Variants in ASCC3 observed in about 807,000 individuals in gnomAD.
The protein encoded by ASCC3 is activating signal cointegrator 1 complex subunit 3, also known as ASC-1 complex subunit P200.
ASCC3 carries 158 observed loss-of-function variants against 256.3 expected under a neutral mutation model. The observed-to-expected ratio is 0.62, with a 90% CI of 0.54 to 0.70. The LOEUF (loss-of-function observed/expected upper bound fraction) is 0.70. ASCC3 is among the 30% of genes least tolerant of loss of function. The pLI is 0.00. For missense variants in ASCC3, 2,259 were observed against 2,626.0 expected (o/e 0.86, Z 3.05); for synonymous variants, 948 against 883.4 (o/e 1.07, Z -1.30).
chr6:100,799,329 T>A, intron 7 of ASCC3, 102 bp downstream of exon 7: 2 of 1,281,724 alleles, frequency 1.6e-6, no homozygotes, highest in Non-Finnish European at 2.2e-6. Context: ...AAATTTAGCA[T>A]AGTCAACTAG....
chr6:100,644,057 C>A lies in ASCC3; in HGVS notation c.3706G>T (p.Glu1236Ter). 1.2e-6 allele frequency: 2 copies of A among 1,612,194 alleles called. No homozygotes were observed. The highest frequency in any genetic ancestry group is 1.7e-6 in the Non-Finnish European group (2 of 1,178,888). ...TGTTTTTTTAGAGCTAGAAAATACT[C>A]TGAATGATAAATATGATCATTTGTA... Reference protein sequence around the residue: ...DPTNDHIYHSEYFLALKKQVI... With the variant: ...DPTNDHIYHS The change falls in exon 23 of 42, where the codon GAG becomes TAG. Residue 1236 changes from glutamate to a stop codon, truncating the protein, a stop_gained. Coordinates refer to ENST00000369162, the MANE Select transcript of ASCC3 (RefSeq NM_006828.4). LOFTEE classifies it high-confidence loss of function.
intron 4 of ASCC3, among the ~76,000 whole-genome samples, chr6:100,846,417 C>T (rs1014737857): frequency 6.6e-6 from 1 of 152,128 alleles, no homozygotes; most frequent in Non-Finnish European, 1.5e-5. Context: ...TAAAACTATA[C>T]AGAACTACCA....
chr6:100,613,551 T>C (rs1015708196), intron 30 of ASCC3, among the ~76,000 whole-genome samples: 1 of 152,280 alleles, frequency 6.6e-6, no homozygotes, highest in Non-Finnish European at 1.5e-5. Flanking sequence ...CATTTATTGA[T>C]GGATACTTAG....
chr6:100,769,707 C>A (rs926155882), intron 8 of ASCC3, among the ~76,000 whole-genome samples: 4 of 151,444 alleles, frequency 2.6e-5, no homozygotes, highest in Non-Finnish European at 5.9e-5. Flanking sequence ...GCAGACTGAT[C>A]AGGAAAAATA....
chr6:100,834,362 C>A (rs922015854), intron 4 of ASCC3, among the ~76,000 whole-genome samples: 11 of 152,074 alleles, frequency 7.2e-5, no homozygotes, highest in Non-Finnish European at 1.3e-4. Flanking sequence ...AAAGAAGAAA[C>A]CCACTGTCAT....
chr6:100,717,962 C>A lies in ASCC3; in HGVS notation c.2079+113G>T, dbSNP rs542995406. On this transcript the variant is annotated intron_variant, in intron 12 of 41. Transcript: ENST00000369162. ...TTCAATGTTCTGCAAAAGGCCATTT[C>A]AGTGGACACCACAAAAGGCTGAAAT... The A allele has an allele frequency of 4.2e-6, 4 of 960,794 alleles. No homozygotes were observed. The South Asian group carries it at 6.0e-5, about 14-fold the overall frequency. 59.5% of individuals were successfully genotyped at this position (960,794 alleles called of 1,614,324 possible).
At chr6:100,745,505 A>G (rs200968897) in intron 10 of ASCC3, among the ~76,000 whole-genome samples, 1 of 640 alleles carries the variant, frequency 1.6e-3, no homozygotes, top group Non-Finnish European at 6.8e-3. Context: ...AAACCTAACC[A>G]AAAAAAAAAA....
Position 100,516,287 on chromosome 6 carries a change from G to A in ASCC3, c.5968C>T (p.Arg1990Trp), listed in dbSNP as rs981441145. The A allele has an allele frequency of 6.2e-6, 10 of 1,613,674 alleles. No individual in the cohort carries two copies. Among genetic ancestry groups the A allele is most frequent in the Non-Finnish European group, 5.9e-6 (7 of 1,179,712 alleles). ...TCAGGAAGGGACTCGATGGAGGTCC[G>A]ACCCCTAGCATGTGGGCCCTTCATA... ...PIMKGPHARG[R>W]TSIESLPELI... The change falls in exon 39 of 42, where the codon CGG becomes TGG. Residue 1990 changes from arginine (R) to tryptophan (W), a missense_variant. Physicochemically the swap from Arg to Trp is moderately radical, Grantham distance 101. Around this residue, in one of 2 missense-constraint regions of ASCC3, gnomAD observed 1,839 missense variants for 2,206.7 expected, o/e 0.83. Transcript: ENST00000369162.
chr6:100,659,213 C>G (rs239227), intron 16 of ASCC3, among the ~76,000 whole-genome samples: 85,075 of 151,030 alleles, frequency 0.56, 24,173 homozygotes, highest in East Asian at 0.72. Context: ...TGCAACTGTA[C>G]AGTCTTGCAA....
chr6:100,827,069 A>G (rs994085053), intron 4 of ASCC3, among the ~76,000 whole-genome samples: 1 of 152,210 alleles, frequency 6.6e-6, no homozygotes, highest in Non-Finnish European at 1.5e-5. Context: ...ATTAGTCTGG[A>G]TTCTACTGTA....
chr6:100,798,695 A>G lies in ASCC3; in HGVS notation c.1395+18T>C, dbSNP rs761369478. 7 of 1,611,472 alleles carry G rather than the reference A, an allele frequency of 4.3e-6. No individual in the cohort carries two copies. The Admixed American group carries it at 1.2e-4, about 27-fold the overall frequency. ...ACCAAGCCTCAAAACTATCAACTCT[A>G]TAAAAGGCTCATCTCACCTCATCTA... On this transcript the variant is annotated intron_variant, in intron 8 of 41. Coordinates refer to ENST00000369162, the MANE Select transcript of ASCC3 (RefSeq NM_006828.4).
intron 17 of ASCC3, among the ~76,000 whole-genome samples, chr6:100,653,986 C>T (rs1775800272): frequency 6.6e-6 from 1 of 151,814 alleles, no homozygotes; most frequent in Non-Finnish European, 1.5e-5. Flanking sequence ...ACCATTTGTT[C>T]TAACTTAGAT....
intron 36 of ASCC3, among the ~76,000 whole-genome samples, chr6:100,587,667 G>A (rs763391836): frequency 4.0e-4 from 61 of 152,104 alleles, no homozygotes; most frequent in Non-Finnish European, 5.9e-4. Flanking sequence ...TAAATATTCC[G>A]TTATACAGCT....
intron 7 of ASCC3, 113 bp from the exon 8 acceptor site, chr6:100,798,951 G>T: frequency 2.1e-6 from 2 of 968,538 alleles, no homozygotes; most frequent in African/African-American, 1.7e-5. Context: ...CAAAGCACTG[G>T]TAAATAAACT....
At chr6:100,838,545 T>A (rs956743435) in intron 4 of ASCC3, among the ~76,000 whole-genome samples, 6 of 152,106 alleles carry the variant, frequency 3.9e-5, no homozygotes, top group Admixed American at 1.3e-4. Flanking sequence ...AGATAAATTA[T>A]ATTTACAGAA....
intron 4 of ASCC3, among the ~76,000 whole-genome samples, chr6:100,833,530 G>C (rs1771723835): frequency 6.6e-6 from 1 of 152,096 alleles, no homozygotes; most frequent in Non-Finnish European, 1.5e-5. Flanking sequence ...CCTAATACAA[G>C]ATGTTAGGAG....
At chr6:100,829,387 G>A (rs1295750868) in intron 4 of ASCC3, among the ~76,000 whole-genome samples, 1 of 152,036 alleles carries the variant, frequency 6.6e-6, no homozygotes, top group East Asian at 1.9e-4. Flanking sequence ...TGGGAAGGCA[G>A]CTAAGACCTG....
intron 13 of ASCC3, among the ~76,000 whole-genome samples, chr6:100,704,279 C>T (rs765871886): frequency 1.3e-5 from 2 of 151,910 alleles, no homozygotes; most frequent in Non-Finnish European, 2.9e-5. Context: ...TCCTTCGACT[C>T]TAGCTTTTAT....
intron 8 of ASCC3, among the ~76,000 whole-genome samples, chr6:100,781,229 TC>T (rs1170014511): frequency 6.6e-6 from 1 of 152,242 alleles, no homozygotes; most frequent in Non-Finnish European, 1.5e-5. Flanking sequence ...ATTGTTCTAC[TC>T]ACATTATTTA....
Sources: allele counts gnomAD v4.1 joint callset (sites outside exome capture counted in the v4.1 genomes callset), GRCh38; gene constraint gnomAD v4.1.1; regional missense constraint gnomAD v4.1.1; transcripts MANE v1.5; gene names NCBI Gene and HGNC (gene_info 2026-07-23, HGNC 2026-07-21).